The following GPC6 variants were observed in gnomAD, a reference collection of about 807,000 sequenced individuals.
GPC6 encodes the protein glypican 6.
In GPC6, 14 loss-of-function variants were observed where a neutral mutation model predicts 55.2. That is an observed-to-expected ratio of 0.25 (90% CI 0.17 to 0.40). The LOEUF (loss-of-function observed/expected upper bound fraction) is 0.40, where lower values mean the gene tolerates loss of function less well. GPC6 is among the 10% of genes least tolerant of loss of function. The pLI, the probability that GPC6 is intolerant of heterozygous loss-of-function variation, is 1.00. For synonymous variants in GPC6, 278 were observed against 259.6 expected (o/e 1.07, Z -0.68); for missense variants, 641 against 708.5 (o/e 0.90, Z 1.08).
intron 2 of GPC6, among the ~76,000 whole-genome samples, chr13:93,779,054 C>T (rs1885554819): frequency 6.6e-6 from 1 of 152,158 alleles, no homozygotes; most frequent in Non-Finnish European, 1.5e-5. Flanking sequence ...TTATAACTAT[C>T]CTTTTATATT....
rs114975522 is a variant in GPC6 at position 93,651,631 on chromosome 13, G to A, written c.319+106210G>A. On this transcript the variant is annotated intron_variant, in intron 2 of 8. Coordinates refer to ENST00000377047, the MANE Select transcript of GPC6 (RefSeq NM_005708.5). ...TAACATAATCCATACAACTACCGAC[G>A]CAGTCAGCTCCTTCCCAAAGGGACA... 5.7e-3 allele frequency among the ~76,000 whole-genome samples: 875 copies of A among 152,182 alleles called. 5 individuals carry two copies. Among genetic ancestry groups the A allele is most frequent in the African/African-American group, 0.02 (851 of 41,526 alleles).
At chr13:94,165,211 A>G (rs200883823) in intron 4 of GPC6, among the ~76,000 whole-genome samples, 4 of 147,526 alleles carry the variant, frequency 2.7e-5, no homozygotes, top group Admixed American at 1.4e-4. Flanking sequence ...GTGTGTGTAT[A>G]TATATATAAT....
intron 2 of GPC6, among the ~76,000 whole-genome samples, chr13:93,629,790 C>T (rs1172338864): frequency 6.6e-6 from 1 of 152,140 alleles, no homozygotes; most frequent in Non-Finnish European, 1.5e-5. Context: ...CAATAAACCA[C>T]AAATTCACAG....
At chr13:93,376,288 C>T (rs1874895176) in intron 1 of GPC6, among the ~76,000 whole-genome samples, 1 of 152,052 alleles carries the variant, frequency 6.6e-6, no homozygotes, top group Non-Finnish European at 1.5e-5. Context: ...TCATGTAACC[C>T]AGCCTCTTTT....
At chr13:93,876,283 A>G (rs1889293162) in intron 3 of GPC6, among the ~76,000 whole-genome samples, 2 of 152,056 alleles carry the variant, frequency 1.3e-5, no homozygotes, top group South Asian at 4.1e-4. Flanking sequence ...GCACACAAAA[A>G]ATGACTATAA....
At chr13:93,725,610 G>GCAGTTTACAGTTTATACAGCCC (rs1243198919) in intron 2 of GPC6, among the ~76,000 whole-genome samples, 2 of 152,000 alleles carry the variant, frequency 1.3e-5, no homozygotes, top group East Asian at 3.9e-4. Context: ...TCATCTTGAT[G>GCAGTTTACAGTTTATACAGCCC]CAGTTTACAG....
At chr13:93,851,461 G>A (rs1888394302) in intron 3 of GPC6, among the ~76,000 whole-genome samples, 1 of 151,796 alleles carries the variant, frequency 6.6e-6, no homozygotes, top group African/African-American at 2.4e-5. Context: ...TAACAGTCAG[G>A]GAAGAATATA....
intron 7 of GPC6, among the ~76,000 whole-genome samples, chr13:94,390,248 G>A (rs61962224): frequency 0.039 from 6,005 of 152,238 alleles, 163 homozygotes; most frequent in Non-Finnish European, 0.057. Context: ...GGACAATATT[G>A]TTTTAACCTA....
At chr13:93,246,342 T>C (rs1876600790) in intron 1 of GPC6, among the ~76,000 whole-genome samples, 1 of 152,152 alleles carries the variant, frequency 6.6e-6, no homozygotes, top group Non-Finnish European at 1.5e-5. Flanking sequence ...GCTTCCTCTC[T>C]TTGTGCCCCC....
At chr13:93,520,221 C>G (rs1376378959) in intron 1 of GPC6, among the ~76,000 whole-genome samples, 1 of 151,938 alleles carries the variant, frequency 6.6e-6, no homozygotes, top group Non-Finnish European at 1.5e-5. Context: ...TGATATATTA[C>G]TGGTGACTGT....
At chr13:93,590,969 T>A (rs947065385) in intron 2 of GPC6, among the ~76,000 whole-genome samples, 7 of 151,774 alleles carry the variant, frequency 4.6e-5, no homozygotes, top group African/African-American at 1.7e-4. Flanking sequence ...ACATGTACCC[T>A]AAAACTTAAA....
At chr13:93,325,387 T>C (rs573185042) in intron 1 of GPC6, among the ~76,000 whole-genome samples, 31 of 152,252 alleles carry the variant, frequency 2.0e-4, no homozygotes, top group African/African-American at 4.3e-4. Flanking sequence ...TTACAGACAA[T>C]AAGGATTTAA....
At chr13:93,970,260 T>A (rs1440802143) in intron 3 of GPC6, among the ~76,000 whole-genome samples, 1 of 152,136 alleles carries the variant, frequency 6.6e-6, no homozygotes, top group East Asian at 1.9e-4. Context: ...CGAAAAAAAT[T>A]TGGGGTGCCA....
chr13:94,015,188 C>T (rs1882412376), intron 3 of GPC6, among the ~76,000 whole-genome samples: 1 of 152,172 alleles, frequency 6.6e-6, no homozygotes. Context: ...TTCACATGTA[C>T]ACCCACACTG....
chr13:93,566,028 A>G lies in GPC6; in HGVS notation c.319+20607A>G, dbSNP rs17300444. 2.5e-3 allele frequency among the ~76,000 whole-genome samples: 374 copies of G among 152,298 alleles called. 6 individuals are homozygous for G. The East Asian group carries it at 0.053, about 22-fold the overall frequency. On this transcript the variant is annotated intron_variant, in intron 2 of 8. Coordinates refer to ENST00000377047, the MANE Select transcript of GPC6 (RefSeq NM_005708.5). ...AACAACAAAAAAATATAGTGAGTGA[A>G]TTACCTTTTGATGATACGTGGCCTT... is the stretch of plus-strand genomic sequence containing the variant.
intron 2 of GPC6, among the ~76,000 whole-genome samples, chr13:93,792,902 T>C (rs181183175): frequency 2.9e-4 from 44 of 152,228 alleles, no homozygotes; most frequent in Admixed American, 1.9e-3. Context: ...CATCATACAG[T>C]CAGAGTTTGA....
intron 1 of GPC6, among the ~76,000 whole-genome samples, chr13:93,311,263 C>G (rs865892913): frequency 2.6e-5 from 4 of 152,288 alleles, no homozygotes; most frequent in Middle Eastern, 3.4e-3. Context: ...TTACCTGTGT[C>G]TTAACATGCA....
At chr13:93,659,587 T>C (rs893502166) in intron 2 of GPC6, among the ~76,000 whole-genome samples, 6 of 152,042 alleles carry the variant, frequency 3.9e-5, no homozygotes, top group Non-Finnish European at 8.8e-5. Context: ...TGCAGATCAA[T>C]CAACATAGCT....
upstream of GPC6, chr13:93,226,541 A>T (rs1875789036): frequency 6.6e-6 from 1 of 152,196 alleles, no homozygotes; most frequent in Admixed American, 6.5e-5. Flanking sequence ...TAAGAGCAAC[A>T]ATTGGAACTG....
Sources: gnomAD v4.1 joint callset for allele counts (sites outside exome capture counted in the v4.1 genomes callset) on GRCh38, gnomAD v4.1.1 for gene constraint, MANE v1.5 for transcripts, NCBI Gene and HGNC (gene_info 2026-07-23, HGNC 2026-07-21) for gene names.